Variants in QTMAN observed in about 807,000 individuals in gnomAD.
QTMAN encodes the protein tRNA-queuosine alpha-mannosyltransferase.
the QTMAN span, among the ~76,000 whole-genome samples, chr2:144,206,388 C>G: frequency 6.6e-6 from 1 of 152,134 alleles, no homozygotes; most frequent in Non-Finnish European, 1.5e-5. Flanking sequence ...GCACTTCAAT[C>G]TAGGATTGAA....
At chr2:144,188,300 C>T in the QTMAN span, among the ~76,000 whole-genome samples, 1 of 151,886 alleles carries the variant, frequency 6.6e-6, no homozygotes, top group Admixed American at 6.6e-5. Flanking sequence ...TTTAAGCTTT[C>T]ACAACATTGA....
At chr2:144,308,458 C>T in the QTMAN span, among the ~76,000 whole-genome samples, 3 of 151,998 alleles carry the variant, frequency 2.0e-5, no homozygotes, top group Admixed American at 2.0e-4. Context: ...AGCCACCATG[C>T]CTGGCCATGA....
At chr2:144,029,247 G>A in the QTMAN span, among the ~76,000 whole-genome samples, 1 of 152,166 alleles carries the variant, frequency 6.6e-6, no homozygotes, top group Admixed American at 6.5e-5. Flanking sequence ...CACCTGCTTA[G>A]CCTAGACAAA....
the QTMAN span, among the ~76,000 whole-genome samples, chr2:144,280,319 T>C: frequency 2.6e-5 from 4 of 152,196 alleles, no homozygotes; most frequent in Non-Finnish European, 4.4e-5. Flanking sequence ...CTTGTGTTGT[T>C]AAACAGCTCA....
At chr2:144,133,421 TA>T in the QTMAN span, among the ~76,000 whole-genome samples, 3 of 54,820 alleles carry the variant, frequency 5.5e-5, no homozygotes, top group East Asian at 9.0e-4. Context: ...TTATATATAA[TA>T]TATATAATAT....
chr2:144,103,651 T>C, the QTMAN span, among the ~76,000 whole-genome samples: 5 of 152,024 alleles, frequency 3.3e-5, no homozygotes, highest in African/African-American at 1.2e-4. Flanking sequence ...TAAAATAAAA[T>C]AAAACAAAAT....
At chr2:144,073,158 C>G in the QTMAN span, among the ~76,000 whole-genome samples, 1 of 151,788 alleles carries the variant, frequency 6.6e-6, no homozygotes, top group South Asian at 2.1e-4. Flanking sequence ...TCAAAATGGA[C>G]AGCTATATAT....
the QTMAN span, among the ~76,000 whole-genome samples, chr2:143,953,494 C>T: frequency 6.6e-6 from 1 of 151,846 alleles, no homozygotes; most frequent in Non-Finnish European, 1.5e-5. Context: ...GCAAAGAATG[C>T]TTGTATTATT....
the QTMAN span, among the ~76,000 whole-genome samples, chr2:144,081,517 C>T: frequency 7.2e-4 from 110 of 152,228 alleles, 1 homozygote; most frequent in Middle Eastern, 0.01. Context: ...CTGGAGAAAA[C>T]CTTCAGGGAA....
the QTMAN span, chr2:144,237,095 C>G: frequency 6.6e-6 from 1 of 152,110 alleles, no homozygotes; most frequent in African/African-American, 2.4e-5. Context: ...TCAACAAAGC[C>G]CTATTCTGCT....
chr2:144,122,848 T>C, the QTMAN span, among the ~76,000 whole-genome samples: 5 of 152,312 alleles, frequency 3.3e-5, no homozygotes, highest in East Asian at 9.7e-4. Flanking sequence ...ATAAAGATTT[T>C]TGAAACTTCC....
the QTMAN span, among the ~76,000 whole-genome samples, chr2:144,303,809 T>G: frequency 6.6e-6 from 1 of 152,212 alleles, no homozygotes; most frequent in Non-Finnish European, 1.5e-5. Flanking sequence ...CAATGAACTA[T>G]GATCCCTAAA....
the QTMAN span, among the ~76,000 whole-genome samples, chr2:144,027,281 T>C: frequency 6.6e-6 from 1 of 152,188 alleles, no homozygotes; most frequent in Non-Finnish European, 1.5e-5. Context: ...ATCAAACATT[T>C]TGTATCACAG....
At chr2:144,250,798 C>T in the QTMAN span, among the ~76,000 whole-genome samples, 4 of 149,890 alleles carry the variant, frequency 2.7e-5, no homozygotes, top group Non-Finnish European at 4.4e-5. Context: ...TATTAGCATT[C>T]CCCAATATCT....
At chr2:143,946,989 C>T in the QTMAN span, 1 of 1,151,880 alleles carries the variant, frequency 8.7e-7, no homozygotes, top group Non-Finnish European at 1.3e-6. Flanking sequence ...TAAATATGGG[C>T]ACACTCTGGA....
the QTMAN span, among the ~76,000 whole-genome samples, chr2:144,221,184 T>C: frequency 6.6e-6 from 1 of 152,210 alleles, no homozygotes; most frequent in African/African-American, 2.4e-5. Flanking sequence ...TTAGCTTTGC[T>C]TTAAAGTATT....
At chr2:144,111,896 A>G in the QTMAN span, among the ~76,000 whole-genome samples, 1 of 152,232 alleles carries the variant, frequency 6.6e-6, no homozygotes, top group African/African-American at 2.4e-5. Flanking sequence ...TAAGCAAAAT[A>G]ATCATGATGG....
At chr2:144,240,951 A>G in the QTMAN span, among the ~76,000 whole-genome samples, 1 of 152,232 alleles carries the variant, frequency 6.6e-6, no homozygotes, top group Non-Finnish European at 1.5e-5. Flanking sequence ...GCTGCACGTT[A>G]GAATCCCCTG....
chr2:143,959,750 A>AT, the QTMAN span, among the ~76,000 whole-genome samples: 3 of 152,030 alleles, frequency 2.0e-5, no homozygotes, highest in Admixed American at 6.6e-5. Flanking sequence ...GTTATAAAAT[A>AT]TTTTTTTGGT....
Sources: allele counts gnomAD v4.1 joint callset (sites outside exome capture counted in the v4.1 genomes callset), GRCh38; gene constraint gnomAD v4.1.1; transcripts MANE v1.5; gene names NCBI Gene and HGNC (gene_info 2026-07-23, HGNC 2026-07-21).